ADD1: variants seen among roughly 807,000 people sequenced by gnomAD.
ADD1 encodes alpha-adducin.
Under a neutral mutation model 80.5 loss-of-function variants are expected in ADD1, and 24 were observed. The ratio of observed to expected loss-of-function variants is 0.30; its 90% confidence interval spans 0.22 to 0.42. The LOEUF (loss-of-function observed/expected upper bound fraction) is 0.42. ADD1 is among the 10% of genes least tolerant of loss of function. The pLI, the probability that ADD1 is intolerant of heterozygous loss-of-function variation, is 1.00. For missense variants in ADD1, 948 were observed against 1,019.0 expected (o/e 0.93, Z 0.95); for synonymous variants, 373 against 393.8 (o/e 0.95, Z 0.63).
At chr4:2,883,096 A>T (rs960892411) in intron 3 of ADD1, among the ~76,000 whole-genome samples, 5 of 152,168 alleles carry the variant, frequency 3.3e-5, no homozygotes, top group Non-Finnish European at 2.9e-5. Context: ...TCCTGACCAC[A>T]AGTGATCCAC....
chr4:2,855,540 G>A (rs995739782), intron 1 of ADD1, among the ~76,000 whole-genome samples: 4 of 148,668 alleles, frequency 2.7e-5, no homozygotes, highest in African/African-American at 1.0e-4. Flanking sequence ...ATATTCTGTC[G>A]CCCTCCTAGA....
rs921066377 is a variant in ADD1 at position 2,926,570 on chromosome 4, C to T, written c.2047+458C>T. 6.4e-7 allele frequency: 1 copy of T among 1,560,656 alleles called. No homozygotes were observed. Among genetic ancestry groups the T allele is most frequent in the Non-Finnish European group, 8.8e-7 (1 of 1,138,278 alleles). ...TGGCCCTGCCTTTCTTCTTCTGTAA[C>T]CTGATGGCTGTGACTGAATGCATAG... On this transcript the variant is annotated intron_variant, in intron 15 of 15. Transcript: ENST00000683351. The surrounding 1 kb of genome is among the most constrained non-coding windows in gnomAD (Gnocchi z 5.0).
intron 9 of ADD1, among the ~76,000 whole-genome samples, chr4:2,904,434 A>G (rs987929909): frequency 3.3e-5 from 5 of 152,230 alleles, no homozygotes; most frequent in African/African-American, 1.2e-4. Flanking sequence ...CGTTGCCTTC[A>G]GGAGAGTCAT....
At chr4:2,911,844 C>A (rs1366505036) in intron 13 of ADD1, among the ~76,000 whole-genome samples, 6 of 152,216 alleles carry the variant, frequency 3.9e-5, no homozygotes, top group African/African-American at 1.4e-4. Flanking sequence ...ACACTGCAAG[C>A]TATTCAGCCC....
At position 2,884,708 on chromosome 4, in the gene ADD1, A is replaced by G. The variant is rs1447538324; in HGVS notation, c.510+42A>G. On this transcript the variant is annotated intron_variant, in intron 4 of 15. Coordinates refer to ENST00000683351, the MANE Select transcript of ADD1 (RefSeq NM_001354761.2). The stretch of plus-strand genomic sequence containing the variant: ...CTAGTAACTGAACGATAAATGAAAT[A>G]TTTTGTGTCTGGCACCACCTCTTTC... The G allele has an allele frequency of 2.4e-5, 37 of 1,533,724 alleles. 1 individual carries two copies. In the East Asian group the frequency reaches 8.5e-4, roughly 35 times the overall value.
chr4:2,922,363 G>A (rs1263766138), intron 14 of ADD1, among the ~76,000 whole-genome samples: 2 of 152,174 alleles, frequency 1.3e-5, no homozygotes, highest in African/African-American at 4.8e-5. Flanking sequence ...ATCCCTTTCT[G>A]TTTGTTAGTT....
intron 2 of ADD1, among the ~76,000 whole-genome samples, chr4:2,876,681 A>C (rs1212538126): frequency 6.6e-6 from 1 of 151,364 alleles, no homozygotes; most frequent in Non-Finnish European, 1.5e-5. Flanking sequence ...CTAAAAATAC[A>C]AAAAAAAATT....
chr4:2,906,310 C>T (rs1360233880), intron 10 of ADD1, among the ~76,000 whole-genome samples: 1 of 151,988 alleles, frequency 6.6e-6, no homozygotes, highest in Non-Finnish European at 1.5e-5. Context: ...GTCTTCTTTC[C>T]CCCCTTCTTC....
chr4:2,858,579 A>G (rs1437337482), intron 1 of ADD1, among the ~76,000 whole-genome samples: 1 of 152,246 alleles, frequency 6.6e-6, no homozygotes, highest in Non-Finnish European at 1.5e-5. Flanking sequence ...TGCACTAGTG[A>G]TACCAGACAG....
At chr4:2,880,337 T>C (rs1331818454) in intron 2 of ADD1, among the ~76,000 whole-genome samples, 1 of 152,066 alleles carries the variant, frequency 6.6e-6, no homozygotes, top group Non-Finnish European at 1.5e-5. Flanking sequence ...GGCAATCTCC[T>C]GCAATATGTT....
intron 14 of ADD1, among the ~76,000 whole-genome samples, chr4:2,920,130 T>G (rs765561336): frequency 1.4e-4 from 22 of 152,366 alleles, no homozygotes; most frequent in Middle Eastern, 3.4e-3. Flanking sequence ...CTATTCAGTT[T>G]CCATGTAGTT....
Position 2,907,986 on chromosome 4 carries a change from A to G in ADD1, c.1608+142A>G, listed in dbSNP as rs1577671623. The G allele has an allele frequency of 1.3e-5, 9 of 678,880 alleles. No individual in the cohort carries two copies. The East Asian group carries it at 2.4e-4, about 18-fold the overall frequency. 42.1% of individuals were successfully genotyped at this position (678,880 alleles called of 1,614,324 possible). On this transcript the variant is annotated intron_variant, in intron 11 of 15. Coordinates refer to ENST00000683351, the MANE Select transcript of ADD1 (RefSeq NM_001354761.2). ...TGTTGCAGTGAAGCCATCTCTTCAC[A>G]CCGCTGCTGTTCTACCACCAGTGTG...
chr4:2,882,191 G>T, intron 3 of ADD1, 131 bp downstream of exon 3: 1 of 831,630 alleles, frequency 1.2e-6, no homozygotes, highest in Admixed American at 3.4e-5. Flanking sequence ...AAATTAATGT[G>T]TTTTCGTTAG....
chr4:2,884,182 CTT>C (rs750284055), intron 3 of ADD1, among the ~76,000 whole-genome samples: 1 of 151,696 alleles, frequency 6.6e-6, no homozygotes, highest in African/African-American at 2.4e-5. Context: ...ATTTGGCTAT[CTT>C]TTTGTTATTG....
intron 13 of ADD1, among the ~76,000 whole-genome samples, chr4:2,914,280 C>A (rs1342893105): frequency 6.6e-6 from 1 of 152,204 alleles, no homozygotes; most frequent in Admixed American, 6.5e-5. Flanking sequence ...TCGCTTTCTT[C>A]TTTTTTTCTT....
At chr4:2,916,534 T>C (rs1025056545) in intron 14 of ADD1, among the ~76,000 whole-genome samples, 3 of 151,240 alleles carry the variant, frequency 2.0e-5, no homozygotes, top group South Asian at 2.1e-4. Context: ...CTCTCTCTCT[T>C]TTTTTTAAAT....
chr4:2,915,619 C>T (rs1410757665), intron 14 of ADD1, among the ~76,000 whole-genome samples: 2 of 151,980 alleles, frequency 1.3e-5, no homozygotes, highest in East Asian at 3.9e-4. Flanking sequence ...CCAGCCTGGG[C>T]GACAGAGTGA....
intron 6 of ADD1, 133 bp downstream of exon 6, chr4:2,894,864 C>A: frequency 1.0e-6 from 1 of 1,004,828 alleles, no homozygotes; most frequent in Non-Finnish European, 1.4e-6. Context: ...AAAAGGTGTA[C>A]CACTAAGTTT....
intron 4 of ADD1, chr4:2,887,862 C>T (rs1213325127): frequency 6.6e-6 from 1 of 152,160 alleles, no homozygotes; most frequent in African/African-American, 2.4e-5. Context: ...AGGAAACTGA[C>T]TTCAAAATAT....
Sources: allele counts gnomAD v4.1 joint callset (sites outside exome capture counted in the v4.1 genomes callset), GRCh38; gene constraint gnomAD v4.1.1; non-coding constraint Gnocchi (gnomAD v3.1); transcripts MANE v1.5; gene names NCBI Gene and HGNC (gene_info 2026-07-23, HGNC 2026-07-21).